Variants in ZNF34 observed in about 807,000 individuals in gnomAD.
The protein encoded by ZNF34 is zinc finger protein 34, also known as zinc finger protein 34 (KOX 32).
Under a neutral mutation model 14.4 loss-of-function variants are expected in ZNF34, and 8 were observed. The ratio of observed to expected loss-of-function variants is 0.55; its 90% CI spans 0.33 to 1.00. The LOEUF is 1.00. Ranked by LOEUF, ZNF34 falls within the 50% of genes least tolerant of loss-of-function variation. The pLI is 0.03. For missense variants in ZNF34, 538 were observed against 674.2 expected (o/e 0.80, Z 2.24); for synonymous variants, 235 against 247.9 (o/e 0.95, Z 0.49).
intron 1 of ZNF34, among the ~76,000 whole-genome samples, chr8:144,783,908 T>C (rs2953892): frequency 0.04 from 6,152 of 152,288 alleles, 385 homozygotes; most frequent in African/African-American, 0.14. Context: ...CTCACGCCTA[T>C]AATCCCAGCA....
chr8:144,786,655 A>T (rs1397561915), intron 1 of ZNF34, among the ~76,000 whole-genome samples: 1 of 151,374 alleles, frequency 6.6e-6, no homozygotes, highest in Non-Finnish European at 1.5e-5. Context: ...GAGAGAAAGG[A>T]AAGAAGGAAG....
intron 5 of ZNF34, 48 bp from the exon 6 acceptor site, chr8:144,774,653 A>C (rs754712030): frequency 1.9e-6 from 3 of 1,553,862 alleles, no homozygotes; most frequent in Non-Finnish European, 2.6e-6. Flanking sequence ...CTGACTCTGG[A>C]AGGTAGGCAT....
chr8:144,782,316 G>C (rs944734832), intron 1 of ZNF34, among the ~76,000 whole-genome samples: 1 of 139,478 alleles, frequency 7.2e-6, no homozygotes, highest in African/African-American at 3.2e-5. Flanking sequence ...GTGAGACTCC[G>C]ACACAAAACA....
At position 144,777,418 on chromosome 8, in the gene ZNF34, G is replaced by A. The variant is rs1238942093; in HGVS notation, c.280+40C>T. ...ACACCCTGGACCCCAATAAAGGCTC[G>A]TTCGGTGACTTGAGTTGGGGAGCAG... is the stretch of plus-strand genomic sequence containing the variant. On this transcript the variant is annotated intron_variant, in intron 5 of 5. Transcript: ENST00000429371. This position sits in a 1 kb window ranked among gnomAD's most constrained non-coding sequence, Gnocchi z 4.8. 3.7e-5 allele frequency: 57 copies of A among 1,547,278 alleles called. No individual in the cohort carries two copies. Among genetic ancestry groups the A allele is most frequent in the African/African-American group, 9.6e-5 (7 of 72,962 alleles).
intron 1 of ZNF34, among the ~76,000 whole-genome samples, chr8:144,783,688 C>G (rs532123342): frequency 1.3e-5 from 2 of 152,076 alleles, no homozygotes; most frequent in African/African-American, 4.8e-5. Context: ...TATTGAAGTA[C>G]CTTAGAAAGG....
intron 1 of ZNF34, among the ~76,000 whole-genome samples, chr8:144,783,977 T>G (rs58298013): frequency 6.6e-6 from 1 of 151,792 alleles, no homozygotes; most frequent in Non-Finnish European, 1.5e-5. Context: ...CTGGCTAACA[T>G]GGTGAAACCC....
rs1204789975 is a variant in ZNF34, at chr8:144,777,135, C to T, written c.280+323G>A. On this transcript the variant is annotated intron_variant, in intron 5 of 5. Coordinates refer to ENST00000429371, the MANE Select transcript of ZNF34 (RefSeq NM_001286769.2). This position sits in a 1 kb window ranked among gnomAD's most constrained non-coding sequence, Gnocchi z 4.8. ...ATTATCTGGCATCAGCTCTGGAGCGCAGGGTTCTGTGGGGTTCCGCAGACC... is the reference window on the plus strand; with the variant it reads ...ATTATCTGGCATCAGCTCTGGAGCGTAGGGTTCTGTGGGGTTCCGCAGACC... Among the ~76,000 whole-genome samples the T allele has an allele frequency of 1.3e-5, 2 of 152,014 alleles. No individual in the cohort carries two copies. Among genetic ancestry groups the T allele is most frequent in the African/African-American group, 4.8e-5 (2 of 41,384 alleles).
Position 144,779,840 on chromosome 8 carries a change from C to T in ZNF34, c.-55+388G>A, listed in dbSNP as rs773483434. Among the ~76,000 whole-genome samples the T allele has an allele frequency of 1.3e-5, 2 of 151,962 alleles. No individual in the cohort carries two copies. The highest frequency in any genetic ancestry group is 2.9e-5 in the Non-Finnish European group (2 of 68,020). ...GGAGGAAAACGACAATACTCATTCA[C>T]TTTACATGGAAGAATGAAGACAAAA... On this transcript the variant is annotated intron_variant, in intron 2 of 5. Coordinates refer to ENST00000429371, the MANE Select transcript of ZNF34 (RefSeq NM_001286769.2). The surrounding 1 kb of genome is among the most constrained non-coding windows in gnomAD (Gnocchi z 4.1).
chr8:144,778,294 A>G, intron 3 of ZNF34, 130 bp from the exon 4 acceptor site: 2 of 1,421,698 alleles, frequency 1.4e-6, no homozygotes, highest in South Asian at 2.8e-5. Flanking sequence ...CGAGCCAGCT[A>G]ATACATCCCA....
At chr8:144,778,252 C>T in intron 3 of ZNF34, 88 bp from the exon 4 acceptor site, 2 of 1,535,420 alleles carry the variant, frequency 1.3e-6, no homozygotes, top group Non-Finnish European at 1.8e-6. Flanking sequence ...CTAAAGGCAG[C>T]AGCACAGTGG....
rs1011065894 is a variant in ZNF34 at position 144,773,209 on chromosome 8, C to T, written c.*57G>A. On this transcript the variant is annotated 3_prime_UTR_variant, in exon 6 of 6. Coordinates refer to ENST00000429371, the MANE Select transcript of ZNF34 (RefSeq NM_001286769.2). The surrounding 1 kb of genome is among the most constrained non-coding windows in gnomAD (Gnocchi z 5.4). ...ATACATAAAGGGCAGAGTCAGGTGCCGGGGGCGCATGCAGGAAGTGCTCAG... is the reference window on the plus strand; with the variant it reads ...ATACATAAAGGGCAGAGTCAGGTGCTGGGGGCGCATGCAGGAAGTGCTCAG... 1.2e-5 allele frequency: 19 copies of T among 1,522,664 alleles called. No individual in the cohort carries two copies. The highest frequency in any genetic ancestry group is 1.7e-4 in the Middle Eastern group (1 of 5,722). The allele number at this position is 1,522,664 out of a possible 1,614,324, so 94.3% of individuals were successfully genotyped here. A position where few individuals can be genotyped will look rare whatever the true frequency, so the allele number is the denominator to read the frequency against.
At chr8:144,784,696 T>C (rs1386456641) in intron 1 of ZNF34, among the ~76,000 whole-genome samples, 2 of 152,002 alleles carry the variant, frequency 1.3e-5, no homozygotes, top group Non-Finnish European at 2.9e-5. Context: ...AGGCGGAGGT[T>C]GCAGTGAGCC....
chr8:144,778,071 T>G lies in ZNF34; in HGVS notation c.127A>C (p.Met43Leu). 6.2e-7 allele frequency: 1 copy of G among 1,614,014 alleles called. No individual in the cohort carries two copies. The highest frequency in any genetic ancestry group is 8.5e-7 in the Non-Finnish European group (1 of 1,179,934). The change falls in exon 4 of 6, where the codon ATG becomes CTG. Residue 43 changes from methionine to leucine, a missense_variant. Transcript: ENST00000429371. The part of the protein sequence containing the change: ...PAQRGLYRDV[M>L]LETYGNLVSL... The stretch of plus-strand genomic sequence containing the variant: ...ACTAGGTTCCCGTAGGTCTCCAGCA[T>G]CACGTCCCTGTAGAGGCCCCTCTGA...
chr8:144,773,028 A>AT lies in ZNF34; in HGVS notation c.*237dup, dbSNP rs1825257529. 6 of 418,610 alleles carry AT rather than the reference A, an allele frequency of 1.4e-5. No homozygotes were observed. Among genetic ancestry groups the AT allele is most frequent in the East Asian group, 3.8e-5 (1 of 26,548 alleles). The allele number at this position is 418,610 out of a possible 1,614,324, so 25.9% of individuals were successfully genotyped here. On this transcript the variant is annotated 3_prime_UTR_variant, in exon 6 of 6. Transcript: ENST00000429371. The surrounding 1 kb of genome is among the most constrained non-coding windows in gnomAD (Gnocchi z 5.4). ...AATATTCGTAAATCAGCAGCAATGA[A>AT]TTTTTTTTCTAAGTGGGAGAGATCA... is the stretch of plus-strand genomic sequence containing the variant.
intron 1 of ZNF34, among the ~76,000 whole-genome samples, chr8:144,781,369 C>G (rs113840091): frequency 7.3e-5 from 11 of 150,620 alleles, no homozygotes; most frequent in Non-Finnish European, 1.5e-4. Context: ...CCCGGGTTCA[C>G]GCCATTCTCC....
chr8:144,784,792 TA>T (rs914551987), intron 1 of ZNF34, among the ~76,000 whole-genome samples: 4 of 149,888 alleles, frequency 2.7e-5, no homozygotes, highest in African/African-American at 9.8e-5. Flanking sequence ...AAATAAACAA[TA>T]AAAGCCTATA....
chr8:144,784,136 G>T (rs1292755005), intron 1 of ZNF34, among the ~76,000 whole-genome samples: 2 of 151,552 alleles, frequency 1.3e-5, no homozygotes, highest in South Asian at 2.1e-4. Context: ...CTCCATCGTG[G>T]GTGACAGAGC....
chr8:144,778,280 C>T, intron 3 of ZNF34, 116 bp from the exon 4 acceptor site: 1 of 1,462,162 alleles, frequency 6.8e-7, no homozygotes, highest in Non-Finnish European at 9.2e-7. Flanking sequence ...GACCCATCTG[C>T]CACCGAGCCA....
In ZNF34 at chr8:144,779,014, G is replaced by C. The variant is rs914693692; in HGVS notation, c.-54-489C>G. ...TTGGAACACCAAGCTCTGTGCCAAA[G>C]GGGGGAAGGCTGCCCTGCCGCTCCA... On this transcript the variant is annotated intron_variant, in intron 2 of 5. Transcript: ENST00000429371. The surrounding 1 kb of genome is among the most constrained non-coding windows in gnomAD (Gnocchi z 4.1). 1.3e-5 allele frequency among the ~76,000 whole-genome samples: 2 copies of C among 152,122 alleles called. No individual in the cohort carries two copies. Among genetic ancestry groups the C allele is most frequent in the Non-Finnish European group, 2.9e-5 (2 of 68,032 alleles).
Sources: allele counts gnomAD v4.1 joint callset (sites outside exome capture counted in the v4.1 genomes callset), GRCh38; gene constraint gnomAD v4.1.1; non-coding constraint Gnocchi (gnomAD v3.1); transcripts MANE v1.5; gene names NCBI Gene and HGNC (gene_info 2026-07-23, HGNC 2026-07-21).